LRRC57: variants seen among roughly 807,000 people sequenced by gnomAD.
LRRC57 encodes the protein leucine-rich repeat-containing protein 57.
LRRC57 carries 14 observed loss-of-function variants against 23.1 expected under a neutral mutation model. That is an observed-to-expected ratio of 0.61 (90% CI 0.40 to 0.95). The LOEUF is 0.95. LRRC57 is among the 40% of genes least tolerant of loss of function. The pLI, the probability that LRRC57 is intolerant of heterozygous loss-of-function variation, is 0.00. For missense variants in LRRC57, 236 were observed against 284.4 expected (o/e 0.83, Z 1.22); for synonymous variants, 106 against 115.2 (o/e 0.92, Z 0.51).
Position 42,538,926 on chromosome 15 carries a change from T to G in LRRC57, c.*5157A>C, listed in dbSNP as rs1351667558. The stretch of plus-strand genomic sequence containing the variant: ...TGGGCCAGATGTGGTGGCTCACACC[T>G]GTAATCCCAGCACTTTGGGAGGTAA... On this transcript the variant is annotated 3_prime_UTR_variant, in exon 6 of 6. Transcript: ENST00000397130. The G allele has an allele frequency of 1.3e-5, 2 of 152,258 alleles. No homozygotes were observed. Among genetic ancestry groups the G allele is most frequent in the African/African-American group, 4.8e-5 (2 of 41,458 alleles). 9.4% of individuals were successfully genotyped at this position (152,258 alleles called of 1,614,324 possible). A position where few individuals can be genotyped will look rare whatever the true frequency, so the allele number is the denominator to read the frequency against.
chr15:42,529,550 C>A, the LRRC57 span: 4 of 897,522 alleles, frequency 4.5e-6, no homozygotes. Flanking sequence ...GGAATGGTAA[C>A]CTATATTCTT....
In LRRC57 at chr15:42,545,057, A is replaced by C. The variant is rs753733118; in HGVS notation, c.678+20T>G. On this transcript the variant is annotated intron_variant, in intron 5 of 5. Transcript: ENST00000397130. Reference sequence around the variant, plus strand: ...TCTCTGGGGTAGTGACTAGAAATGCAGAAGTACATTAATTCATACCTTATC... The same window carrying C: ...TCTCTGGGGTAGTGACTAGAAATGCCGAAGTACATTAATTCATACCTTATC... 3.3e-6 allele frequency: 5 copies of C among 1,536,324 alleles called. No individual in the cohort carries two copies. The highest frequency in any genetic ancestry group is 4.4e-6 in the Non-Finnish European group (5 of 1,136,200).
intron 5 of LRRC57, among the ~76,000 whole-genome samples, chr15:42,544,504 C>T (rs1442318979): frequency 6.6e-6 from 1 of 151,678 alleles, no homozygotes; most frequent in Non-Finnish European, 1.5e-5. Flanking sequence ...AGAGTGAGAC[C>T]TTGCCTCCAA....
the LRRC57 span, among the ~76,000 whole-genome samples, chr15:42,530,643 G>A: frequency 6.6e-6 from 1 of 152,126 alleles, no homozygotes; most frequent in Non-Finnish European, 1.5e-5. Flanking sequence ...CCAGTTACTC[G>A]GGAGGCTGAG....
At position 42,543,965 on chromosome 15, in the gene LRRC57, G is replaced by A. The variant is rs2057643872; in HGVS notation, c.*118C>T. The stretch of plus-strand genomic sequence containing the variant: ...ATCATTGAGTGAAATATAATCTCCT[G>A]AAGTATCATCTCCTTACTGTAGATA... On this transcript the variant is annotated 3_prime_UTR_variant, in exon 6 of 6. Transcript: ENST00000397130. 1 of 662,378 alleles carries A rather than the reference G, an allele frequency of 1.5e-6. No homozygotes were observed. Among genetic ancestry groups the A allele is most frequent in the Non-Finnish European group, 2.7e-6 (1 of 376,724 alleles). The allele number at this position is 662,378 out of a possible 1,614,324, so 41.0% of individuals were successfully genotyped here. A position where few individuals can be genotyped will look rare whatever the true frequency, so the allele number is the denominator to read the frequency against.
At chr15:42,548,038 C>T (rs2057671207) in intron 3 of LRRC57, 68 bp downstream of exon 3, 8 of 1,561,044 alleles carry the variant, frequency 5.1e-6, no homozygotes, top group Non-Finnish European at 7.0e-6. Context: ...CAAAAATCAG[C>T]TTGTAAGAGA....
rs2057635103 is a variant in LRRC57 at position 42,542,390 on chromosome 15, T to TATG, written c.*1690_*1692dup. The TATG allele has an allele frequency of 1.3e-5, 2 of 152,236 alleles. No individual in the cohort carries two copies. Among genetic ancestry groups the TATG allele is most frequent in the African/African-American group, 4.8e-5 (2 of 41,458 alleles). 9.4% of individuals were successfully genotyped at this position (152,236 alleles called of 1,614,324 possible). A position where few individuals can be genotyped will look rare whatever the true frequency, so the allele number is the denominator to read the frequency against. On this transcript the variant is annotated 3_prime_UTR_variant, in exon 6 of 6. Coordinates refer to ENST00000397130, the MANE Select transcript of LRRC57 (RefSeq NM_153260.3). Reference sequence around the variant, plus strand: ...CATAGTTCTAGTATCACAAAATGTTTATGTCACATGAAGGCATTTCACTAC... The same window carrying TATG: ...CATAGTTCTAGTATCACAAAATGTTTATGATGTCACATGAAGGCATTTCACTAC...
chr15:42,547,313 G>C lies in LRRC57; in HGVS notation c.440C>G (p.Pro147Arg). ...DLSKNQIRSI[P>R]DSVGELQVIE... The stretch of plus-strand genomic sequence containing the variant: ...GACTTGCAGCTCTCCCACTGAGTCA[G>C]GTATACTTCGAATCTGGTTCTTAGA... Residue 147 changes from proline to arginine, a missense_variant, in exon 4 of 6, where the codon CCT (proline) becomes CGT (arginine). By Grantham distance (103) the Pro-to-Arg change is moderately radical. Transcript: ENST00000397130. 6.2e-7 allele frequency: 1 copy of C among 1,614,140 alleles called. No individual in the cohort carries two copies. Among genetic ancestry groups the C allele is most frequent in the Non-Finnish European group, 8.5e-7 (1 of 1,180,030 alleles).
downstream of LRRC57, among the ~76,000 whole-genome samples, chr15:42,534,278 G>A (rs1029157762): frequency 1.3e-5 from 2 of 152,052 alleles, no homozygotes; most frequent in Non-Finnish European, 2.9e-5. Flanking sequence ...TTACAGGCAG[G>A]CACCACCGTG....
At chr15:42,548,574 G>A (rs889462901) in intron 1 of LRRC57, 118 bp from the exon 2 acceptor site, 23 of 792,164 alleles carry the variant, frequency 2.9e-5, no homozygotes, top group Non-Finnish European at 4.0e-5. Flanking sequence ...CGACCCAAGA[G>A]CGACAAGGAA....
At chr15:42,529,875 A>G in the LRRC57 span, 19 of 1,576,910 alleles carry the variant, frequency 1.2e-5, no homozygotes, top group Non-Finnish European at 1.6e-5. Flanking sequence ...TGTTTCAGTA[A>G]TAGACATCTG....
rs1409998886 is a variant in LRRC57 at position 42,541,385 on chromosome 15, T to C, written c.*2698A>G. 1.3e-5 allele frequency: 2 copies of C among 152,142 alleles called. No individual in the cohort carries two copies. The highest frequency in any genetic ancestry group is 2.1e-4 in the South Asian group (1 of 4,824). 9.4% of individuals were successfully genotyped at this position (152,142 alleles called of 1,614,324 possible). On this transcript the variant is annotated 3_prime_UTR_variant, in exon 6 of 6. Coordinates refer to ENST00000397130, the MANE Select transcript of LRRC57 (RefSeq NM_153260.3). ...TGGGTGTGGTGGTGCATGCCTGTAA[T>C]CCCAATTACTCAGGAGAATGAGGCA...
Position 42,548,761 on chromosome 15 carries a change from T to G in LRRC57, c.-91A>C. 1.3e-6 allele frequency: 1 copy of G among 769,408 alleles called. No individual in the cohort carries two copies. The allele number at this position is 769,408 out of a possible 1,614,324, so 47.7% of individuals were successfully genotyped here. On this transcript the variant is annotated 5_prime_UTR_variant, in exon 1 of 6. Coordinates refer to ENST00000397130, the MANE Select transcript of LRRC57 (RefSeq NM_153260.3). ...AGGACCCGCAGTAGCCGGGATGCGC[T>G]CCCCGGCTTAGTCCCGGGCGGGAAC...
At position 42,547,344 on chromosome 15, in the gene LRRC57, C is replaced by G. The variant is rs761121342; in HGVS notation, c.409G>C (p.Asp137His). 2.5e-6 allele frequency: 4 copies of G among 1,614,202 alleles called. No individual in the cohort carries two copies. Among genetic ancestry groups the G allele is most frequent in the Non-Finnish European group, 3.4e-6 (4 of 1,180,034 alleles). ...LCSLRHLDVM[D>H]LSKNQIRSIP... ...CTTCGAATCTGGTTCTTAGAGAGAT[C>G]CATCACATCCAGGTGCCGTAGGCTA... Residue 137 changes from aspartate (D) to histidine (H), a missense_variant, in exon 4 of 6, where the codon GAT (aspartate) becomes CAT (histidine). Physicochemically the swap from Asp to His is moderately conservative, Grantham distance 81. Transcript: ENST00000397130.
rs545380941 is a variant in LRRC57 at position 42,537,903 on chromosome 15, G to A, written c.*6180C>T. 1 of 152,230 alleles carries A rather than the reference G, an allele frequency of 6.6e-6. No individual in the cohort carries two copies. Among genetic ancestry groups the A allele is most frequent in the African/African-American group, 2.4e-5 (1 of 41,532 alleles). The allele number at this position is 152,230 out of a possible 1,614,324, so 9.4% of individuals were successfully genotyped here. ...GATAGTTACCAGAGGCTGGGTAGTG[G>A]GTGTACAGGGTGGGGCGATGAAGGA... On this transcript the variant is annotated 3_prime_UTR_variant, in exon 6 of 6. Coordinates refer to ENST00000397130, the MANE Select transcript of LRRC57 (RefSeq NM_153260.3).
chr15:42,547,720 G>A (rs754651115), intron 3 of LRRC57, 191 bp from the exon 4 acceptor site: 52 of 614,280 alleles, frequency 8.5e-5, no homozygotes, highest in Non-Finnish European at 1.3e-4. Context: ...TCAAAATGCC[G>A]GAGAGCATTT....
At position 42,547,699 on chromosome 15, in the gene LRRC57, T is replaced by C. The variant is rs941523264; in HGVS notation, c.224-170A>G. The C allele has an allele frequency of 2.0e-5, 13 of 652,378 alleles. No homozygotes were observed. The Admixed American group carries it at 3.9e-4, about 20-fold the overall frequency. The allele number at this position is 652,378 out of a possible 1,614,324, so 40.4% of individuals were successfully genotyped here. Reference sequence around the variant, plus strand: ...TTTTACCAACATAGTCTTTAGAAGGTGAGGGTGCCATCAAAATGCCGGAGA... The same window carrying C: ...TTTTACCAACATAGTCTTTAGAAGGCGAGGGTGCCATCAAAATGCCGGAGA... On this transcript the variant is annotated intron_variant, in intron 3 of 5. Transcript: ENST00000397130.
Position 42,542,942 on chromosome 15 carries a change from C to T in LRRC57, c.*1141G>A, listed in dbSNP as rs2141576909. 1 of 152,442 alleles carries T rather than the reference C, an allele frequency of 6.6e-6. No individual in the cohort carries two copies. The highest frequency in any genetic ancestry group is 1.9e-4 in the East Asian group (1 of 5,160). The allele number at this position is 152,442 out of a possible 1,614,324, so 9.4% of individuals were successfully genotyped here. A position where few individuals can be genotyped will look rare whatever the true frequency, so the allele number is the denominator to read the frequency against. The stretch of plus-strand genomic sequence containing the variant: ...TCGGAGTGCAATGGCATGATCTCGG[C>T]TCACTGCAACCTCTGCCTCCTGGGT... On this transcript the variant is annotated 3_prime_UTR_variant, in exon 6 of 6. Coordinates refer to ENST00000397130, the MANE Select transcript of LRRC57 (RefSeq NM_153260.3).
rs759665466 is a variant in LRRC57 at position 42,548,161 on chromosome 15, C to G, written c.168G>C (p.Leu56Phe). 3.0e-5 allele frequency: 49 copies of G among 1,614,226 alleles called. No homozygotes were observed. The highest frequency in any genetic ancestry group is 4.2e-5 in the Non-Finnish European group (49 of 1,180,040). ...TCAGCAGAGTGAACTTTCCTATCAG[C>G]AAAGGCGGTAGGCTTTCGATCTTGT... is the stretch of plus-strand genomic sequence containing the variant. ...SNNKIESLPP[L>F]LIGKFTLLKS... Residue 56 changes from leucine to phenylalanine, a missense_variant, in exon 3 of 6, where the codon TTG becomes TTC. Coordinates refer to ENST00000397130, the MANE Select transcript of LRRC57 (RefSeq NM_153260.3).
Sources: gnomAD v4.1 joint callset for allele counts (sites outside exome capture counted in the v4.1 genomes callset) on GRCh38, gnomAD v4.1.1 for gene constraint, MANE v1.5 for transcripts, NCBI Gene and HGNC (gene_info 2026-07-23, HGNC 2026-07-21) for gene names.